Variants in UBE3C observed in about 807,000 individuals in gnomAD.
UBE3C encodes ubiquitin protein ligase E3C, also known as ubiquitin-protein ligase E3C.
In UBE3C, 42 loss-of-function variants were observed where a neutral mutation model predicts 129.4. The observed-to-expected ratio is 0.32, with a 90% CI of 0.25 to 0.42. The LOEUF (loss-of-function observed/expected upper bound fraction) is 0.42, where lower values mean the gene tolerates loss of function less well. Ranked by LOEUF, UBE3C falls within the 10% of genes least tolerant of loss-of-function variation. The pLI is 1.00. For synonymous variants in UBE3C, 510 were observed against 492.4 expected, an observed-to-expected ratio of 1.04 and a Z score of -0.47; for missense variants, 1,049 against 1,319.1, an observed-to-expected ratio of 0.80 and a Z score of 3.17.
At chr7:157,152,625 T>C (rs1807788247) in intron 1 of UBE3C, among the ~76,000 whole-genome samples, 1 of 152,200 alleles carries the variant, frequency 6.6e-6, no homozygotes. Flanking sequence ...GAGGTGTTAG[T>C]GTCCTGTGGA....
At chr7:157,143,683 A>G (rs911184258) in intron 1 of UBE3C, among the ~76,000 whole-genome samples, 2 of 152,056 alleles carry the variant, frequency 1.3e-5, no homozygotes, top group Non-Finnish European at 2.9e-5. Flanking sequence ...GGAACAGTCT[A>G]GGTGCACCTG....
At chr7:157,153,848 G>C (rs1807826815) in intron 1 of UBE3C, among the ~76,000 whole-genome samples, 2 of 144,258 alleles carry the variant, frequency 1.4e-5, no homozygotes, top group African/African-American at 5.4e-5. Context: ...ACAAAAAAAC[G>C]GGCATGGTGG....
rs1279290360 is a variant in UBE3C at position 157,257,326 on chromosome 7, TTAA to T, written c.3081+287_3081+289del. Among the ~76,000 whole-genome samples the T allele has an allele frequency of 2.0e-5, 3 of 152,318 alleles. No homozygotes were observed. In the East Asian group the frequency reaches 5.8e-4, roughly 29 times the overall value. On this transcript the variant is annotated intron_variant, in intron 22 of 22. Coordinates refer to ENST00000348165, the MANE Select transcript of UBE3C (RefSeq NM_014671.3). Reference sequence around the variant, plus strand: ...ACATTTGGAGGGACTATTTGCAATATTAATAATGTCTCATAAATCTGTAACACA... The same window carrying T: ...ACATTTGGAGGGACTATTTGCAATATTAATGTCTCATAAATCTGTAACACA...
chr7:157,197,052 C>T lies in UBE3C; in HGVS notation c.1332-4669C>T, dbSNP rs373128578. ...TCTGCAAAATACAAGGCAAAACTGTCGTTTCTGATACTAGTAATATATCTA... is the reference window on the plus strand; with the variant it reads ...TCTGCAAAATACAAGGCAAAACTGTTGTTTCTGATACTAGTAATATATCTA... On this transcript the variant is annotated intron_variant, in intron 10 of 22. Transcript: ENST00000348165. Among the ~76,000 whole-genome samples, 186 of 152,264 alleles carry T rather than the reference C, an allele frequency of 1.2e-3. 6 individuals are homozygous for T. The South Asian group carries it at 0.033, about 27-fold the overall frequency.
chr7:157,243,525 G>A (rs557134728), intron 18 of UBE3C, among the ~76,000 whole-genome samples: 1 of 152,312 alleles, frequency 6.6e-6, no homozygotes, highest in East Asian at 1.9e-4. Flanking sequence ...ATTGGCTTTA[G>A]GGCACCTGCC....
chr7:157,172,109 C>T (rs372537696), intron 4 of UBE3C, among the ~76,000 whole-genome samples: 16 of 151,538 alleles, frequency 1.1e-4, no homozygotes, highest in East Asian at 3.9e-4. Context: ...CTCAGCTCAC[C>T]GCAACCTCGC....
chr7:157,190,023 A>T (rs937842719), intron 10 of UBE3C, among the ~76,000 whole-genome samples: 3 of 151,932 alleles, frequency 2.0e-5, no homozygotes, highest in Non-Finnish European at 4.4e-5. Context: ...CTGGTCTCGA[A>T]CTCCTGACCT....
rs1796683770 is a variant in UBE3C at position 157,254,049 on chromosome 7, G to C, written c.2790G>C (p.Arg930Ser). Reference protein sequence around the residue: ...IHLVADYRLNRQIRQHCLAFR... With the variant: ...IHLVADYRLNSQIRQHCLAFR... ...TGGTGGCAGACTACAGGCTGAACAGGCAGATCCGCCAGCACTGCCTGGCTT... is the reference window on the plus strand; with the variant it reads ...TGGTGGCAGACTACAGGCTGAACAGCCAGATCCGCCAGCACTGCCTGGCTT... The change falls in exon 20 of 23, where the codon AGG becomes AGC. Residue 930 changes from arginine to serine, a missense_variant. Physicochemically the swap from Arg to Ser is moderately radical, Grantham distance 110 (BLOSUM62 -1). Around this residue, in one of 4 missense-constraint regions of UBE3C, gnomAD observed 243 missense variants for 368.7 expected, o/e 0.66. Transcript: ENST00000348165. 6.2e-7 allele frequency: 1 copy of C among 1,613,780 alleles called. No individual in the cohort carries two copies.
chr7:157,230,171 A>T (rs1173404785), intron 17 of UBE3C, among the ~76,000 whole-genome samples: 1 of 152,064 alleles, frequency 6.6e-6, no homozygotes, highest in African/African-American at 2.4e-5. Context: ...CAGCGTCCCA[A>T]AGTGCTGGGA....
intron 1 of UBE3C, among the ~76,000 whole-genome samples, chr7:157,142,339 G>A (rs1807476927): frequency 1.3e-5 from 2 of 151,888 alleles, no homozygotes; most frequent in Admixed American, 1.3e-4. Flanking sequence ...AATACTTTTA[G>A]TATTTATTAT....
intron 18 of UBE3C, among the ~76,000 whole-genome samples, chr7:157,239,705 A>T (rs528565857): frequency 9.8e-5 from 15 of 152,298 alleles, no homozygotes; most frequent in African/African-American, 3.6e-4. Flanking sequence ...GGGAGAAATA[A>T]CAGCATGTGT....
intron 1 of UBE3C, among the ~76,000 whole-genome samples, chr7:157,160,193 G>C (rs2116848526): frequency 6.6e-6 from 1 of 151,896 alleles, no homozygotes; most frequent in East Asian, 1.9e-4. Flanking sequence ...TCCTGCCTCA[G>C]GCCTCCAAGT....
chr7:157,231,615 G>C (rs1584806520), intron 18 of UBE3C: 1 of 374,054 alleles, frequency 2.7e-6, no homozygotes, highest in Non-Finnish European at 5.0e-6. Context: ...GTCATGAATG[G>C]ATGAGTGGTT....
intron 18 of UBE3C, among the ~76,000 whole-genome samples, chr7:157,246,139 C>A (rs1796470839): frequency 6.6e-6 from 1 of 152,144 alleles, no homozygotes; most frequent in South Asian, 2.1e-4. Flanking sequence ...TGGACGAGTC[C>A]TTAAAATGTG....
intron 22 of UBE3C, among the ~76,000 whole-genome samples, chr7:157,263,485 G>A (rs36004823): frequency 0.09 from 13,698 of 152,148 alleles, 820 homozygotes; most frequent in Non-Finnish European, 0.12. Flanking sequence ...CCAACATGGC[G>A]AAACCCCATC....
intron 16 of UBE3C, among the ~76,000 whole-genome samples, chr7:157,223,586 G>C (rs1158919110): frequency 6.6e-6 from 1 of 152,072 alleles, no homozygotes; most frequent in Admixed American, 6.6e-5. Context: ...AAACACTATA[G>C]ATTTCTTATA....
chr7:157,140,099 G>A lies in UBE3C; in HGVS notation c.66+761G>A, dbSNP rs75121270. ...TTTCTAGCTGTCTGTCCCTGAAGACGGGCATCAGTTGGTTCACTGGAACCG... is the reference window on the plus strand; with the variant it reads ...TTTCTAGCTGTCTGTCCCTGAAGACAGGCATCAGTTGGTTCACTGGAACCG... On this transcript the variant is annotated intron_variant, in intron 1 of 22. Coordinates refer to ENST00000348165, the MANE Select transcript of UBE3C (RefSeq NM_014671.3). 2,458 of 935,422 alleles carry A rather than the reference G, an allele frequency of 2.6e-3. 49 individuals carry two copies. The African/African-American group carries it at 0.041, about 15-fold the overall frequency. 57.9% of individuals were successfully genotyped at this position (935,422 alleles called of 1,614,324 possible). A position where few individuals can be genotyped will look rare whatever the true frequency, so the allele number is the denominator to read the frequency against.
At chr7:157,266,325 TAAATAA>T (rs1554440967) in intron 22 of UBE3C, among the ~76,000 whole-genome samples, 1 of 152,112 alleles carries the variant, frequency 6.6e-6, no homozygotes, top group Non-Finnish European at 1.5e-5. Context: ...AAAAAATAAA[TAAATAA>T]AAATAATAGG....
chr7:157,261,010 C>T (rs1384760809), intron 22 of UBE3C, among the ~76,000 whole-genome samples: 1 of 151,910 alleles, frequency 6.6e-6, no homozygotes, highest in Non-Finnish European at 1.5e-5. Flanking sequence ...TTTTAAAATC[C>T]CAAATAGACT....
Sources: allele counts gnomAD v4.1 joint callset (sites outside exome capture counted in the v4.1 genomes callset), GRCh38; gene constraint gnomAD v4.1.1; regional missense constraint gnomAD v4.1.1; transcripts MANE v1.5; gene names NCBI Gene and HGNC (gene_info 2026-07-23, HGNC 2026-07-21).